PHACTR1: variants seen among roughly 807,000 people sequenced by gnomAD.
PHACTR1 encodes RPEL repeat containing 1.
PHACTR1 carries 16 observed loss-of-function variants against 69.2 expected under a neutral mutation model. That is an observed-to-expected ratio of 0.23 (90% confidence interval 0.16 to 0.35). The LOEUF (loss-of-function observed/expected upper bound fraction) is 0.35, where lower values mean the gene tolerates loss of function less well. Among genes scored for constraint, PHACTR1 ranks in the 10% least tolerant of loss-of-function variants. The pLI is 1.00. For missense variants in PHACTR1, 510 were observed against 734.7 expected, an observed-to-expected ratio of 0.69 and a Z score of 3.54; for synonymous variants, 312 against 284.5, an observed-to-expected ratio of 1.10 and a Z score of -0.97.
intron 4 of PHACTR1, among the ~76,000 whole-genome samples, chr6:12,923,768 G>A (rs1787967989): frequency 6.6e-6 from 1 of 152,170 alleles, no homozygotes; most frequent in Non-Finnish European, 1.5e-5. Flanking sequence ...TTTTAATTGT[G>A]TTGTCAGGTA....
At chr6:12,907,844 G>A (rs1283871386) in intron 4 of PHACTR1, among the ~76,000 whole-genome samples, 1 of 152,212 alleles carries the variant, frequency 6.6e-6, no homozygotes, top group Non-Finnish European at 1.5e-5. Flanking sequence ...AAGATGTCCA[G>A]GTTCCTTCCA....
At chr6:12,957,503 G>A (rs1792039041) in intron 4 of PHACTR1, 1 of 985,456 alleles carries the variant, frequency 1.0e-6, no homozygotes. Flanking sequence ...AGGACTCCTT[G>A]GAGACGCCAG....
intron 5 of PHACTR1, among the ~76,000 whole-genome samples, chr6:13,135,895 T>G (rs1253516224): frequency 6.6e-6 from 1 of 150,956 alleles, no homozygotes; most frequent in African/African-American, 2.4e-5. Context: ...TAAATAAAAA[T>G]GTATTTGAAA....
intron 3 of PHACTR1, among the ~76,000 whole-genome samples, 184 bp downstream of exon 3, chr6:12,719,031 C>G (rs1016151138): frequency 6.6e-6 from 1 of 152,224 alleles, no homozygotes; most frequent in African/African-American, 2.4e-5. Flanking sequence ...TAAATCCACA[C>G]TTCTTGGATG....
At chr6:12,983,218 A>C (rs1001841432) in intron 4 of PHACTR1, among the ~76,000 whole-genome samples, 1 of 152,378 alleles carries the variant, frequency 6.6e-6, no homozygotes, top group Admixed American at 6.5e-5. Flanking sequence ...TATTCTCAAA[A>C]AGATTATGAA....
intron 7 of PHACTR1, among the ~76,000 whole-genome samples, chr6:13,197,624 G>A (rs1365326321): frequency 1.3e-5 from 2 of 151,938 alleles, no homozygotes; most frequent in Non-Finnish European, 2.9e-5. Flanking sequence ...GTATACATGT[G>A]CCATGTTGGT....
intron 10 of PHACTR1, among the ~76,000 whole-genome samples, chr6:13,247,946 C>T (rs1773822509): frequency 6.6e-6 from 1 of 152,228 alleles, no homozygotes; most frequent in African/African-American, 2.4e-5. Context: ...AATCTACCAC[C>T]TGCCCATTCT....
intron 4 of PHACTR1, among the ~76,000 whole-genome samples, chr6:12,821,198 A>G (rs1305274261): frequency 6.6e-6 from 1 of 152,184 alleles, no homozygotes; most frequent in Non-Finnish European, 1.5e-5. Flanking sequence ...GTGGTGGCTG[A>G]CGCCTGTAAT....
chr6:12,991,194 G>A (rs573014206), intron 4 of PHACTR1, among the ~76,000 whole-genome samples: 19 of 152,294 alleles, frequency 1.2e-4, no homozygotes, highest in African/African-American at 4.6e-4. Flanking sequence ...AGGCTGCCAA[G>A]CAGTTTACCC....
intron 4 of PHACTR1, among the ~76,000 whole-genome samples, chr6:13,028,553 G>C (rs960568130): frequency 1.3e-5 from 2 of 152,190 alleles, no homozygotes; most frequent in African/African-American, 4.8e-5. Flanking sequence ...TGATTGCAAT[G>C]CCTGGAATAT....
chr6:13,023,565 T>C (rs1201789592), intron 4 of PHACTR1, among the ~76,000 whole-genome samples: 6 of 152,248 alleles, frequency 3.9e-5, no homozygotes, highest in Admixed American at 3.9e-4. Flanking sequence ...TTCGTTCTCA[T>C]TTTTAGGACT....
chr6:13,287,135 A>G lies in PHACTR1; in HGVS notation c.*57A>G, dbSNP rs573991077. ...TTCAAAACATAAATTTATAAGAACC[A>G]TAAGTGCTGGTATTTATTCACTTCC... On this transcript the variant is annotated 3_prime_UTR_variant, in exon 15 of 15. Coordinates refer to ENST00000332995, the MANE Select transcript of PHACTR1 (RefSeq NM_030948.6). The G allele has an allele frequency of 3.6e-5, 54 of 1,502,066 alleles. No individual in the cohort carries two copies. In the East Asian group the frequency reaches 6.5e-4, roughly 18 times the overall value. The allele number at this position is 1,502,066 out of a possible 1,614,324, so 93.0% of individuals were successfully genotyped here. A position where few individuals can be genotyped will look rare whatever the true frequency, so the allele number is the denominator to read the frequency against.
chr6:13,110,148 AT>A (rs201670552), intron 5 of PHACTR1, among the ~76,000 whole-genome samples: 2 of 150,352 alleles, frequency 1.3e-5, no homozygotes, highest in South Asian at 4.2e-4. Context: ...CTATTGACTG[AT>A]TTTTTTTCCT....
intron 8 of PHACTR1, among the ~76,000 whole-genome samples, chr6:13,216,549 A>G (rs1767707624): frequency 6.6e-6 from 1 of 152,180 alleles, no homozygotes; most frequent in African/African-American, 2.4e-5. Context: ...TAAATGAAAT[A>G]TGTTTCCAGG....
At position 13,144,349 on chromosome 6, in the gene PHACTR1, A is replaced by G. The variant is rs528760128; in HGVS notation, c.416-15855A>G. The stretch of plus-strand genomic sequence containing the variant: ...TAAACTATTAGAACTAAATGAATTT[A>G]GCAAGATCTCTGGATACAAGGTCAA... On this transcript the variant is annotated intron_variant, in intron 5 of 14. Coordinates refer to ENST00000332995, the MANE Select transcript of PHACTR1 (RefSeq NM_030948.6). Among the ~76,000 whole-genome samples, 432 of 152,370 alleles carry G rather than the reference A, an allele frequency of 2.8e-3. 2 individuals are homozygous for G. Among genetic ancestry groups the G allele is most frequent in the Middle Eastern group, 0.027 (8 of 294 alleles).
intron 5 of PHACTR1, among the ~76,000 whole-genome samples, chr6:13,132,466 G>C (rs1261728354): frequency 1.3e-5 from 2 of 152,080 alleles, no homozygotes; most frequent in African/African-American, 2.4e-5. Context: ...TGTCTTGCCC[G>C]CAGCAGATGC....
intron 4 of PHACTR1, among the ~76,000 whole-genome samples, chr6:13,008,395 T>C (rs1206369519): frequency 6.6e-6 from 1 of 152,246 alleles, no homozygotes; most frequent in African/African-American, 2.4e-5. Flanking sequence ...GGACCAGTGC[T>C]GAGGCCCTGA....
chr6:12,877,793 T>A (rs1782688856), intron 4 of PHACTR1, among the ~76,000 whole-genome samples: 1 of 152,158 alleles, frequency 6.6e-6, no homozygotes, highest in Non-Finnish European at 1.5e-5. Context: ...CAACATAAGT[T>A]CTCAACTGCA....
intron 4 of PHACTR1, among the ~76,000 whole-genome samples, chr6:12,841,023 C>T (rs780559944): frequency 1.3e-5 from 2 of 152,148 alleles, no homozygotes; most frequent in Admixed American, 6.5e-5. Flanking sequence ...AGTGGCACTC[C>T]GCAGGACGGG....
Sources: allele counts gnomAD v4.1 joint callset (sites outside exome capture counted in the v4.1 genomes callset), GRCh38; gene constraint gnomAD v4.1.1; transcripts MANE v1.5; gene names NCBI Gene and HGNC (gene_info 2026-07-23, HGNC 2026-07-21).